The following MYRIP variants were observed in gnomAD, a reference collection of about 807,000 sequenced individuals.
The protein encoded by MYRIP is rab effector MyRIP.
MYRIP carries 49 observed loss-of-function variants against 98.0 expected under a neutral mutation model. The ratio of observed to expected loss-of-function variants is 0.50; its 90% CI spans 0.40 to 0.63. The LOEUF is 0.63. Among genes scored for constraint, MYRIP ranks in the 30% least tolerant of loss-of-function variants. The pLI is 0.00. For synonymous variants in MYRIP, 404 were observed against 409.5 expected, an observed-to-expected ratio of 0.99 and a Z score of 0.16; for missense variants, 1,004 against 1,058.2, an observed-to-expected ratio of 0.95 and a Z score of 0.71.
chr3:39,886,338 A>G lies in MYRIP; in HGVS notation c.-30-14449A>G, dbSNP rs577746799. ...GACAGGATCAAATTCACACATAACA[A>G]TATTAACTTTAAATGTAAATGGACT... is the stretch of plus-strand genomic sequence containing the variant. On this transcript the variant is annotated intron_variant, in intron 1 of 16. Coordinates refer to ENST00000302541, the MANE Select transcript of MYRIP (RefSeq NM_015460.4). Among the ~76,000 whole-genome samples the G allele has an allele frequency of 4.0e-5, 6 of 151,584 alleles. No homozygotes were observed. In the South Asian group the frequency reaches 8.4e-4, roughly 21 times the overall value.
At chr3:40,050,769 G>A (rs1385017788) in intron 3 of MYRIP, among the ~76,000 whole-genome samples, 1 of 152,174 alleles carries the variant, frequency 6.6e-6, no homozygotes, top group African/African-American at 2.4e-5. Flanking sequence ...TGATTTGTGA[G>A]AAGAGGTAAA....
In MYRIP at chr3:39,878,055, G is replaced by A. The variant is rs890933900; in HGVS notation, c.-30-22732G>A. Among the ~76,000 whole-genome samples, 1,351 of 151,922 alleles carry A rather than the reference G, an allele frequency of 8.9e-3. 12 individuals carry two copies. The highest frequency in any genetic ancestry group is 0.03 in the African/African-American group (1,244 of 41,356). On this transcript the variant is annotated intron_variant, in intron 1 of 16. Coordinates refer to ENST00000302541, the MANE Select transcript of MYRIP (RefSeq NM_015460.4). Reference sequence around the variant, plus strand: ...TAAGCAAGCCTGGGCAATGGCAGGCGCCCCTCCCCCAGCCTCGCTGCCACC... The same window carrying A: ...TAAGCAAGCCTGGGCAATGGCAGGCACCCCTCCCCCAGCCTCGCTGCCACC...
At chr3:40,245,954 G>T (rs1344826382) in intron 13 of MYRIP, among the ~76,000 whole-genome samples, 1 of 148,838 alleles carries the variant, frequency 6.7e-6, no homozygotes, top group African/African-American at 2.5e-5. Context: ...AGAGACGGGG[G>T]TTTCACCATG....
intron 2 of MYRIP, among the ~76,000 whole-genome samples, chr3:39,987,083 G>A (rs1421329170): frequency 1.3e-5 from 2 of 152,044 alleles, no homozygotes; most frequent in African/African-American, 2.4e-5. Flanking sequence ...GTGGTTTGCT[G>A]CACCTATCAA....
intron 2 of MYRIP, among the ~76,000 whole-genome samples, chr3:39,954,036 C>G (rs907714054): frequency 5.3e-5 from 8 of 152,116 alleles, no homozygotes; most frequent in Non-Finnish European, 1.2e-4. Flanking sequence ...TGGAGCCCAC[C>G]GCAGCTCAGG....
intron 2 of MYRIP, among the ~76,000 whole-genome samples, chr3:39,917,547 A>T (rs763826852): frequency 2.0e-5 from 3 of 151,778 alleles, no homozygotes; most frequent in Non-Finnish European, 2.9e-5. Flanking sequence ...TCTGAGTCAC[A>T]TAACATGTAG....
At chr3:39,855,234 C>G (rs1942250674) in intron 1 of MYRIP, among the ~76,000 whole-genome samples, 1 of 152,090 alleles carries the variant, frequency 6.6e-6, no homozygotes, top group African/African-American at 2.4e-5. Context: ...TTTATTCTGT[C>G]ATGATTTGCT....
chr3:40,098,960 A>G (rs180871487), intron 3 of MYRIP, among the ~76,000 whole-genome samples: 1 of 151,990 alleles, frequency 6.6e-6, no homozygotes, highest in East Asian at 1.9e-4. Context: ...TAGGAATTTC[A>G]AGTCAAGATC....
chr3:39,957,475 A>G (rs1019591625), intron 2 of MYRIP, among the ~76,000 whole-genome samples: 5 of 152,218 alleles, frequency 3.3e-5, no homozygotes, highest in Admixed American at 2.6e-4. Flanking sequence ...AAAAAATTCA[A>G]CAGCCCTTCA....
At chr3:39,903,341 A>G (rs9878255) in intron 2 of MYRIP, among the ~76,000 whole-genome samples, 2,782 of 152,302 alleles carry the variant, frequency 0.018, 82 homozygotes, top group African/African-American at 0.063. Context: ...TAATGAATGT[A>G]TAACTCATAA....
At chr3:39,989,259 G>GC (rs1211275668) in intron 2 of MYRIP, among the ~76,000 whole-genome samples, 11 of 152,212 alleles carry the variant, frequency 7.2e-5, no homozygotes, top group Non-Finnish European at 1.3e-4. Context: ...CTTTCTGTTT[G>GC]TTTTTCTTGC....
At chr3:40,008,830 C>G (rs540471721) in intron 2 of MYRIP, among the ~76,000 whole-genome samples, 3 of 152,298 alleles carry the variant, frequency 2.0e-5, no homozygotes, top group South Asian at 4.1e-4. Context: ...GCAGATTTGC[C>G]TCTTGTCTTC....
At chr3:40,066,845 T>C (rs2371181) in intron 3 of MYRIP, among the ~76,000 whole-genome samples, 82,634 of 152,042 alleles carry the variant, frequency 0.54, 22,617 homozygotes, top group East Asian at 0.78. Flanking sequence ...TAGCACAATC[T>C]TACCAACTGT....
chr3:39,886,792 T>G (rs1456806737), intron 1 of MYRIP, among the ~76,000 whole-genome samples: 1 of 151,408 alleles, frequency 6.6e-6, no homozygotes, highest in Non-Finnish European at 1.5e-5. Context: ...AGACAGAAAG[T>G]CAACAAGGAT....
chr3:39,950,862 C>T (rs1944996212), intron 2 of MYRIP, among the ~76,000 whole-genome samples: 1 of 152,202 alleles, frequency 6.6e-6, no homozygotes, highest in Admixed American at 6.6e-5. Context: ...GATCTAGAAA[C>T]CTAAAATAAG....
chr3:39,828,169 T>C (rs1262542417), intron 1 of MYRIP, among the ~76,000 whole-genome samples: 2 of 152,104 alleles, frequency 1.3e-5, no homozygotes, highest in East Asian at 3.8e-4. Context: ...TTTTATTAAG[T>C]ATATTTTCTA....
At chr3:39,882,809 G>A (rs945569831) in intron 1 of MYRIP, among the ~76,000 whole-genome samples, 1 of 152,060 alleles carries the variant, frequency 6.6e-6, no homozygotes, top group Non-Finnish European at 1.5e-5. Flanking sequence ...AGGAATACAG[G>A]GTTGGACAAT....
chr3:40,024,568 G>A (rs1370745279), intron 2 of MYRIP, among the ~76,000 whole-genome samples: 1 of 146,782 alleles, frequency 6.8e-6, no homozygotes, highest in Non-Finnish European at 1.5e-5. Context: ...TGCTTTTTGT[G>A]GGTTTTTTTT....
At position 39,999,004 on chromosome 3, in the gene MYRIP, T is replaced by C. The variant is rs554906869; in HGVS notation, c.111-45046T>C. Among the ~76,000 whole-genome samples the C allele has an allele frequency of 2.0e-5, 3 of 152,306 alleles. No homozygotes were observed. The South Asian group carries it at 6.2e-4, about 32-fold the overall frequency. On this transcript the variant is annotated intron_variant, in intron 2 of 16. Transcript: ENST00000302541. ...GAAAGCTGAAACTGGATCCCTTCCTTACACCTTATACAAAAATTAATTCAA... is the reference window on the plus strand; with the variant it reads ...GAAAGCTGAAACTGGATCCCTTCCTCACACCTTATACAAAAATTAATTCAA...
Sources: allele counts gnomAD v4.1 joint callset (sites outside exome capture counted in the v4.1 genomes callset), GRCh38; gene constraint gnomAD v4.1.1; transcripts MANE v1.5; gene names NCBI Gene and HGNC (gene_info 2026-07-23, HGNC 2026-07-21).